HSPG2: variants seen among roughly 807,000 people sequenced by gnomAD.
HSPG2 encodes heparan sulfate proteoglycan 2.
A neutral mutation model predicts 526.6 loss-of-function variants in HSPG2; 278 were observed. The ratio of observed to expected loss-of-function variants is 0.53; its 90% confidence interval spans 0.48 to 0.58. The LOEUF (loss-of-function observed/expected upper bound fraction) is 0.58. Ranked by LOEUF, HSPG2 falls within the 20% of genes least tolerant of loss-of-function variation. The probability of loss-of-function intolerance (pLI) is 0.00; values close to 1 mark genes in which losing one functional copy is unlikely to be tolerated. For synonymous variants in HSPG2, 2,465 were observed against 2,555.4 expected, an observed-to-expected ratio of 0.96 and a Z score of 1.07; for missense variants, 5,354 against 6,099.5, an observed-to-expected ratio of 0.88 and a Z score of 4.07.
At chr1:21,860,860 A>G (rs1219715965) in intron 39 of HSPG2, among the ~76,000 whole-genome samples, 1 of 152,230 alleles carries the variant, frequency 6.6e-6, no homozygotes, top group Non-Finnish European at 1.5e-5. Context: ...TGAATGTGAT[A>G]AAGTCCCTGG....
At chr1:21,854,483 T>A in intron 49 of HSPG2, 128 bp downstream of exon 49, 1 of 1,453,454 alleles carries the variant, frequency 6.9e-7, no homozygotes, top group Non-Finnish European at 9.3e-7. Context: ...GGGAGGGAGA[T>A]GAGGCCTGGC....
rs374322147 is a variant in HSPG2 at position 21,852,233 on chromosome 1, C to T, written c.6725G>A (p.Gly2242Glu). The T allele has an allele frequency of 3.1e-6, 5 of 1,613,878 alleles. No individual in the cohort carries two copies. The highest frequency in any genetic ancestry group is 1.3e-5 in the African/African-American group (1 of 74,932). The change falls in exon 53 of 97, where the codon GGA becomes GAA. Residue 2242 changes from glycine (G) to glutamate (E), a missense_variant and splice_region_variant. Transcript: ENST00000374695. ...CTCGATCCTGACAGGTGGGATGGGTCCTGCAGCAGTGGGGATGGGAGTGAG... is the reference window on the plus strand; with the variant it reads ...CTCGATCCTGACAGGTGGGATGGGTTCTGCAGCAGTGGGGATGGGAGTGAG... ...LVTIEASVIP[G>E]PIPPVRIESS...
Position 21,884,682 on chromosome 1 carries a change from G to T in HSPG2, c.1508-8C>A, listed in dbSNP as rs1225036583. On this transcript the variant is annotated splice_region_variant and splice_polypyrimidine_tract_variant and intron_variant, in intron 12 of 96. Coordinates refer to ENST00000374695, the MANE Select transcript of HSPG2 (RefSeq NM_005529.7). ...GGCCGTCAGGGCAGGGGCCTGCTGG[G>T]CGGCATGGGCGGGGGCTGCAGCCGG... is the stretch of plus-strand genomic sequence containing the variant. 1.2e-6 allele frequency: 2 copies of T among 1,610,694 alleles called. No homozygotes were observed. Among genetic ancestry groups the T allele is most frequent in the African/African-American group, 2.7e-5 (2 of 74,846 alleles).
intron 74 of HSPG2, among the ~76,000 whole-genome samples, chr1:21,838,554 G>C (rs1313636102): frequency 6.6e-6 from 1 of 152,218 alleles, no homozygotes. Flanking sequence ...GGCAGGCTGG[G>C]GTGCTTATGT....
chr1:21,914,263 G>A (rs76936481), intron 1 of HSPG2, among the ~76,000 whole-genome samples: 259 of 152,302 alleles, frequency 1.7e-3, no homozygotes, highest in African/African-American at 5.9e-3. Context: ...GAGGGGACGG[G>A]GAGTGGCCTG....
chr1:21,849,837 G>A (rs1012443777), intron 57 of HSPG2, among the ~76,000 whole-genome samples: 6 of 152,092 alleles, frequency 3.9e-5, no homozygotes, highest in Non-Finnish European at 8.8e-5. Context: ...GCACCACCAC[G>A]CCCGGCTAAT....
chr1:21,838,765 G>A (rs2098036844), intron 74 of HSPG2, 60 bp downstream of exon 74: 5 of 1,575,904 alleles, frequency 3.2e-6, no homozygotes, highest in Non-Finnish European at 4.3e-6. Flanking sequence ...TGCCTAGCTG[G>A]GTCATCAAAG....
intron 80 of HSPG2, 35 bp downstream of exon 80, chr1:21,833,233 G>T: frequency 6.4e-7 from 1 of 1,571,870 alleles, no homozygotes; most frequent in Non-Finnish European, 8.8e-7. Context: ...CTCAACCCAG[G>T]CCAGCCCACC....
chr1:21,841,708 T>C, intron 69 of HSPG2, 35 bp from the exon 70 acceptor site: 1 of 1,610,684 alleles, frequency 6.2e-7, no homozygotes, highest in Non-Finnish European at 8.5e-7. Context: ...GAGAGAGGAT[T>C]GACCTGGTCC....
chr1:21,843,464 G>A (rs2098057805), intron 65 of HSPG2, 26 bp from the exon 66 acceptor site: 2 of 1,601,066 alleles, frequency 1.2e-6, no homozygotes, highest in Non-Finnish European at 1.7e-6. Context: ...TGAGAGCGGG[G>A]AGGGTGAGCT....
chr1:21,824,885 C>G lies in HSPG2; in HGVS notation c.12590-106G>C, dbSNP rs1377779593. The G allele has an allele frequency of 2.8e-6, 3 of 1,068,914 alleles. No individual in the cohort carries two copies. 66.2% of individuals were successfully genotyped at this position (1,068,914 alleles called of 1,614,324 possible). A position where few individuals can be genotyped will look rare whatever the true frequency, so the allele number is the denominator to read the frequency against. On this transcript the variant is annotated intron_variant, in intron 91 of 96. Coordinates refer to ENST00000374695, the MANE Select transcript of HSPG2 (RefSeq NM_005529.7). The surrounding 1 kb of genome is among the most constrained non-coding windows in gnomAD (Gnocchi z 5.9). ...CACGCCAACATGCAGGACTAGGGGG[C>G]TCCGAGCCTGCAGTCCCTGGGGACC... is the stretch of plus-strand genomic sequence containing the variant.
chr1:21,925,990 C>T (rs896980317), intron 1 of HSPG2, among the ~76,000 whole-genome samples: 5 of 152,082 alleles, frequency 3.3e-5, no homozygotes, highest in Admixed American at 1.3e-4. Flanking sequence ...CCACCACGCC[C>T]GGCTAATTTT....
chr1:21,868,477 A>T (rs1192487529), intron 33 of HSPG2, among the ~76,000 whole-genome samples: 1 of 152,218 alleles, frequency 6.6e-6, no homozygotes, highest in Non-Finnish European at 1.5e-5. Context: ...AATGGGATGG[A>T]CAGGGAGCTC....
In HSPG2 at chr1:21,884,605, A is replaced by G. The variant is rs773733317; in HGVS notation, c.1577T>C (p.Ile526Thr). 1.9e-6 allele frequency: 3 copies of G among 1,610,706 alleles called. No homozygotes were observed. In the African/African-American group the frequency reaches 4.0e-5, roughly 22 times the overall value. ...GCGGGTGCTCTGGCACACGCTGGTG[A>G]TGCCAAAGCAGAAGCAGGGCAGGCA... ...AACLPCFCFG[I>T]TSVCQSTRRF... Residue 526 changes from isoleucine to threonine, a missense_variant, in exon 13 of 97, where the codon ATC (isoleucine) becomes ACC (threonine). By Grantham distance (89) the Ile-to-Thr change is moderately conservative. Coordinates refer to ENST00000374695, the MANE Select transcript of HSPG2 (RefSeq NM_005529.7).
Position 21,875,899 on chromosome 1 carries a change from G to A in HSPG2, c.3147C>T (p.Pro1049=), listed in dbSNP as rs762525445. The A allele has an allele frequency of 1.8e-5, 29 of 1,614,008 alleles. No individual in the cohort carries two copies. Among genetic ancestry groups the A allele is most frequent in the South Asian group, 6.6e-5 (6 of 91,094 alleles). The stretch of plus-strand genomic sequence containing the variant: ...GCACAATGAAGGTGCTGGGCTGGCC[G>A]GGGCTGGGCTCCTGGGCCACATGGT... ...LEHHVAQEPS[P]GQPSTFIVPF... Residue 1049 remains proline, a synonymous_variant, in exon 24 of 97, where the codon CCC becomes CCT. Transcript: ENST00000374695.
intron 1 of HSPG2, among the ~76,000 whole-genome samples, chr1:21,905,203 A>ACT (rs1643311918): frequency 7.1e-6 from 1 of 141,680 alleles, no homozygotes; most frequent in African/African-American, 2.7e-5. Context: ...ACACACACAC[A>ACT]ATCATGGTCA....
At chr1:21,831,918 C>G in intron 81 of HSPG2, 122 bp from the exon 82 acceptor site, 3 of 1,065,140 alleles carry the variant, frequency 2.8e-6, no homozygotes, top group Non-Finnish European at 2.7e-6. Context: ...CAGTCCCAGC[C>G]CTGGGGCTGT....
intron 1 of HSPG2, among the ~76,000 whole-genome samples, chr1:21,932,877 C>A (rs961024887): frequency 1.3e-5 from 2 of 152,038 alleles, no homozygotes; most frequent in Non-Finnish European, 2.9e-5. Context: ...CCAGCCTGGG[C>A]AATACAACAA....
chr1:21,853,230 G>A (rs556763606), intron 50 of HSPG2, among the ~76,000 whole-genome samples, 160 bp from the exon 51 acceptor site: 3 of 152,188 alleles, frequency 2.0e-5, no homozygotes, highest in Non-Finnish European at 2.9e-5. Context: ...ATGGCCAGCC[G>A]AATATGGCTT....
Sources: allele counts gnomAD v4.1 joint callset (sites outside exome capture counted in the v4.1 genomes callset), GRCh38; gene constraint gnomAD v4.1.1; non-coding constraint Gnocchi (gnomAD v3.1); transcripts MANE v1.5; gene names NCBI Gene and HGNC (gene_info 2026-07-23, HGNC 2026-07-21).